PCDH9: variants seen among roughly 807,000 people sequenced by gnomAD.
PCDH9 encodes protocadherin-9.
A neutral mutation model predicts 70.6 loss-of-function variants in PCDH9; 24 were observed. That is an observed-to-expected ratio of 0.34 (90% CI 0.25 to 0.48). PCDH9 has a LOEUF of 0.48. PCDH9 is among the 20% of genes least tolerant of loss of function. PCDH9 has a pLI of 0.99. For synonymous variants in PCDH9, 562 were observed against 558.5 expected (o/e 1.01, Z -0.09); for missense variants, 1,281 against 1,503.6 (o/e 0.85, Z 2.45).
chr13:66,512,136 C>A (rs1201243080), intron 4 of PCDH9, among the ~76,000 whole-genome samples: 3 of 152,004 alleles, frequency 2.0e-5, no homozygotes, highest in Non-Finnish European at 4.4e-5. Context: ...TGTATTCATA[C>A]TTTTACATTT....
intron 4 of PCDH9, among the ~76,000 whole-genome samples, chr13:66,409,275 A>G (rs1359832203): frequency 6.6e-6 from 1 of 152,202 alleles, no homozygotes; most frequent in Admixed American, 6.5e-5. Context: ...ATGTTCCCTT[A>G]CTGTGAATTC....
chr13:67,034,173 C>T (rs1008716228), intron 2 of PCDH9, among the ~76,000 whole-genome samples: 9 of 152,010 alleles, frequency 5.9e-5, no homozygotes, highest in Non-Finnish European at 1.2e-4. Context: ...TTAGTAGAGA[C>T]GGGGTTTCAC....
chr13:66,823,861 G>C (rs986380345), intron 3 of PCDH9, among the ~76,000 whole-genome samples: 1 of 152,038 alleles, frequency 6.6e-6, no homozygotes, highest in East Asian at 1.9e-4. Flanking sequence ...CACTATATTA[G>C]TTAGTAAAAA....
chr13:66,830,510 C>G (rs1484741186), intron 3 of PCDH9, among the ~76,000 whole-genome samples: 5 of 152,092 alleles, frequency 3.3e-5, no homozygotes, highest in African/African-American at 1.2e-4. Context: ...TGCTTACGTA[C>G]TGGGCACATA....
At chr13:66,802,712 TG>T (rs1245628273) in intron 3 of PCDH9, among the ~76,000 whole-genome samples, 1 of 152,166 alleles carries the variant, frequency 6.6e-6, no homozygotes, top group Non-Finnish European at 1.5e-5. Flanking sequence ...ATTTATTAAA[TG>T]TTTTTTATAT....
At chr13:66,331,361 ATAT>A (rs1227990234) in intron 4 of PCDH9, among the ~76,000 whole-genome samples, 1 of 152,132 alleles carries the variant, frequency 6.6e-6, no homozygotes, top group Non-Finnish European at 1.5e-5. Flanking sequence ...ACATACTGAA[ATAT>A]TATTATGGGA....
chr13:67,062,353 T>C (rs544338571), intron 2 of PCDH9, among the ~76,000 whole-genome samples: 8 of 152,302 alleles, frequency 5.3e-5, no homozygotes, highest in African/African-American at 1.9e-4. Context: ...AAGCATGCTT[T>C]GGAGTCATGT....
In PCDH9 at chr13:67,105,064, C is replaced by T. The variant is rs569323992; in HGVS notation, c.3036+120341G>A. 2.6e-5 allele frequency among the ~76,000 whole-genome samples: 4 copies of T among 152,058 alleles called. No individual in the cohort carries two copies. The East Asian group carries it at 7.8e-4, about 29-fold the overall frequency. The stretch of plus-strand genomic sequence containing the variant: ...TCTAGTCTGCAGTCACATATCTTGC[C>T]ACTAACACTCTTTCAAGATGGACAC... On this transcript the variant is annotated intron_variant, in intron 2 of 4. Transcript: ENST00000377865.
intron 4 of PCDH9, among the ~76,000 whole-genome samples, chr13:66,522,047 A>ATG (rs1960016891): frequency 6.8e-6 from 1 of 147,984 alleles, no homozygotes; most frequent in African/African-American, 2.5e-5. Flanking sequence ...ATATATATAT[A>ATG]TATATAGTTT....
intron 2 of PCDH9, among the ~76,000 whole-genome samples, chr13:67,129,374 GA>G (rs2087053438): frequency 6.6e-6 from 1 of 152,126 alleles, no homozygotes; most frequent in Non-Finnish European, 1.5e-5. Context: ...AATAATGCAT[GA>G]TAGACATGTG....
chr13:66,760,400 C>A (rs1019517516), intron 3 of PCDH9, among the ~76,000 whole-genome samples: 1 of 152,084 alleles, frequency 6.6e-6, no homozygotes, highest in Admixed American at 6.6e-5. Flanking sequence ...AACAGAGGGA[C>A]CGGCTGAAGC....
chr13:66,308,045 G>C (rs889453654), intron 4 of PCDH9, among the ~76,000 whole-genome samples: 1 of 152,060 alleles, frequency 6.6e-6, no homozygotes. Context: ...TCCTCATGAA[G>C]CTGGGAGCTA....
At chr13:66,753,327 T>A (rs2139231500) in intron 3 of PCDH9, among the ~76,000 whole-genome samples, 1 of 152,186 alleles carries the variant, frequency 6.6e-6, no homozygotes, top group Non-Finnish European at 1.5e-5. Flanking sequence ...CAGTTAACAG[T>A]ATAATAAATC....
intron 4 of PCDH9, among the ~76,000 whole-genome samples, chr13:66,553,229 C>A (rs1415729802): frequency 6.6e-6 from 1 of 152,156 alleles, no homozygotes; most frequent in East Asian, 1.9e-4. Context: ...AAGAAAGAAC[C>A]AGTATGACAG....
intron 2 of PCDH9, among the ~76,000 whole-genome samples, chr13:67,116,881 T>A (rs1473268033): frequency 1.3e-5 from 2 of 152,190 alleles, no homozygotes; most frequent in Non-Finnish European, 2.9e-5. Context: ...CTGGCAAACG[T>A]ATATTGTCCC....
chr13:66,459,280 T>A (rs1401431718), intron 4 of PCDH9, among the ~76,000 whole-genome samples: 2 of 151,932 alleles, frequency 1.3e-5, no homozygotes, highest in Admixed American at 1.3e-4. Context: ...ATGTTTATAG[T>A]GTTGGAAGGT....
chr13:66,683,732 A>T (rs547918782), intron 3 of PCDH9, among the ~76,000 whole-genome samples: 1 of 152,320 alleles, frequency 6.6e-6, no homozygotes, highest in African/African-American at 2.4e-5. Flanking sequence ...TTGTATGCAT[A>T]CAGAGCCAGC....
chr13:66,564,126 A>G (rs1307209846), intron 4 of PCDH9, among the ~76,000 whole-genome samples: 1 of 152,172 alleles, frequency 6.6e-6, no homozygotes, highest in Admixed American at 6.5e-5. Flanking sequence ...GTCTAAAAGC[A>G]ACAAGGACAT....
intron 4 of PCDH9, among the ~76,000 whole-genome samples, chr13:66,346,393 G>A (rs1338384019): frequency 1.3e-5 from 2 of 152,002 alleles, no homozygotes; most frequent in African/African-American, 2.4e-5. Flanking sequence ...TGCATGTGCT[G>A]TGTGTGTGTG....
Sources: allele counts gnomAD v4.1 joint callset (sites outside exome capture counted in the v4.1 genomes callset), GRCh38; gene constraint gnomAD v4.1.1; transcripts MANE v1.5; gene names NCBI Gene and HGNC (gene_info 2026-07-23, HGNC 2026-07-21).